PTPRG: variants seen among roughly 807,000 people sequenced by gnomAD.
PTPRG encodes the protein protein tyrosine phosphatase receptor type G.
A neutral mutation model predicts 165.3 loss-of-function variants in PTPRG; 102 were observed. The observed-to-expected ratio is 0.62, with a 90% CI of 0.53 to 0.73. The LOEUF (loss-of-function observed/expected upper bound fraction) is 0.73, where lower values mean the gene tolerates loss of function less well. Ranked by LOEUF, PTPRG falls within the 30% of genes least tolerant of loss-of-function variation. The pLI, the probability that PTPRG is intolerant of heterozygous loss-of-function variation, is 0.00. For missense variants in PTPRG, 1,866 were observed against 1,861.4 expected (o/e 1.00, Z -0.05); for synonymous variants, 675 against 669.5 (o/e 1.01, Z -0.13).
intron 2 of PTPRG, among the ~76,000 whole-genome samples, chr3:61,763,832 A>G (rs1012826041): frequency 2.6e-5 from 4 of 152,156 alleles, no homozygotes; most frequent in Non-Finnish European, 5.9e-5. Flanking sequence ...CCTTTATGGT[A>G]TTCCTAGCTT....
intron 15 of PTPRG, among the ~76,000 whole-genome samples, chr3:62,244,203 A>G (rs1466127320): frequency 6.6e-6 from 1 of 152,192 alleles, no homozygotes; most frequent in East Asian, 1.9e-4. Context: ...ACATTTTTTT[A>G]AAGGTGATAT....
intron 1 of PTPRG, among the ~76,000 whole-genome samples, chr3:61,566,782 C>T (rs1699925720): frequency 6.6e-6 from 1 of 152,232 alleles, no homozygotes; most frequent in Admixed American, 6.5e-5. Context: ...GCTGGGATTA[C>T]ATTGCTACTG....
At chr3:61,638,433 G>A (rs1420067815) in intron 1 of PTPRG, among the ~76,000 whole-genome samples, 9 of 151,660 alleles carry the variant, frequency 5.9e-5, no homozygotes, top group African/African-American at 1.9e-4. Flanking sequence ...TAAACCTAAG[G>A]TTTACATGCA....
At chr3:61,713,789 A>G (rs1367763433) in intron 1 of PTPRG, among the ~76,000 whole-genome samples, 1 of 152,128 alleles carries the variant, frequency 6.6e-6, no homozygotes, top group Non-Finnish European at 1.5e-5. Flanking sequence ...TTATGTGGCA[A>G]TGAGGCATCC....
At chr3:62,100,898 G>C (rs948995196) in intron 5 of PTPRG, among the ~76,000 whole-genome samples, 1 of 152,046 alleles carries the variant, frequency 6.6e-6, no homozygotes, top group South Asian at 2.1e-4. Flanking sequence ...GTAGAACCAC[G>C]CTTCTTTTGT....
intron 1 of PTPRG, among the ~76,000 whole-genome samples, chr3:61,563,171 C>A (rs1424880544): frequency 6.7e-6 from 1 of 149,792 alleles, no homozygotes; most frequent in Non-Finnish European, 1.5e-5. Flanking sequence ...GCGGTTTCGG[C>A]GGCCGGGTTG....
chr3:61,600,884 C>T (rs1467094962), intron 1 of PTPRG, among the ~76,000 whole-genome samples: 1 of 152,194 alleles, frequency 6.6e-6, no homozygotes, highest in Non-Finnish European at 1.5e-5. Flanking sequence ...TATTTTCAAG[C>T]CTGCCTTTAG....
intron 2 of PTPRG, among the ~76,000 whole-genome samples, chr3:61,751,779 A>G (rs2033440571): frequency 1.3e-5 from 2 of 152,270 alleles, no homozygotes; most frequent in South Asian, 4.1e-4. Context: ...TCGCGAGGTC[A>G]GGAGATCGAG....
intron 2 of PTPRG, among the ~76,000 whole-genome samples, chr3:61,802,554 G>C (rs1029942993): frequency 6.6e-6 from 1 of 152,210 alleles, no homozygotes; most frequent in Non-Finnish European, 1.5e-5. Context: ...GGCCTAGTTT[G>C]CTTCATCATT....
At chr3:61,721,859 C>T (rs962974865) in intron 1 of PTPRG, among the ~76,000 whole-genome samples, 2 of 152,096 alleles carry the variant, frequency 1.3e-5, no homozygotes, top group African/African-American at 2.4e-5. Flanking sequence ...AGACAATCAG[C>T]GACCAGTGAA....
At chr3:61,883,726 G>A (rs1004673799) in intron 2 of PTPRG, among the ~76,000 whole-genome samples, 1 of 152,050 alleles carries the variant, frequency 6.6e-6, no homozygotes, top group African/African-American at 2.4e-5. Context: ...GCAGGGTGGA[G>A]TGGGGCCAGG....
intron 1 of PTPRG, among the ~76,000 whole-genome samples, chr3:61,647,270 C>T (rs1170631392): frequency 6.6e-6 from 1 of 152,194 alleles, no homozygotes; most frequent in Non-Finnish European, 1.5e-5. Context: ...CCGTCTTTCA[C>T]ACCATTATCT....
chr3:61,834,479 T>A (rs933901834), intron 2 of PTPRG, among the ~76,000 whole-genome samples: 1 of 152,114 alleles, frequency 6.6e-6, no homozygotes, highest in Admixed American at 6.5e-5. Flanking sequence ...GAGGATCGCT[T>A]GAGCCCAGGA....
chr3:62,259,265 G>A (rs1195384240), intron 16 of PTPRG, among the ~76,000 whole-genome samples: 4 of 152,324 alleles, frequency 2.6e-5, no homozygotes, highest in East Asian at 1.9e-4. Flanking sequence ...ATGCTGCACC[G>A]ACTGCTGCCT....
Position 61,915,198 on chromosome 3 carries a change from C to T in PTPRG, c.191-74427C>T, listed in dbSNP as rs151297981. ...AGGCTGAGATCAAGCCACTGCACTCCAGCCTGGGCAACAGAGTGAGACTCT... is the reference window on the plus strand; with the variant it reads ...AGGCTGAGATCAAGCCACTGCACTCTAGCCTGGGCAACAGAGTGAGACTCT... On this transcript the variant is annotated intron_variant, in intron 2 of 29. Transcript: ENST00000474889. 3.5e-3 allele frequency among the ~76,000 whole-genome samples: 540 copies of T among 152,294 alleles called. 3 individuals carry two copies. The highest frequency in any genetic ancestry group is 0.012 in the African/African-American group (500 of 41,566).
chr3:61,971,898 A>G (rs991914720), intron 2 of PTPRG, among the ~76,000 whole-genome samples: 3 of 152,280 alleles, frequency 2.0e-5, no homozygotes, highest in Non-Finnish European at 4.4e-5. Flanking sequence ...AAATAAAGTG[A>G]AACTGCGTTG....
At chr3:61,954,639 G>A (rs1049177712) in intron 2 of PTPRG, among the ~76,000 whole-genome samples, 3 of 152,136 alleles carry the variant, frequency 2.0e-5, no homozygotes, top group African/African-American at 4.8e-5. Context: ...CGAAGCCAGG[G>A]GGAGAATTTA....
intron 1 of PTPRG, among the ~76,000 whole-genome samples, chr3:61,723,081 T>C (rs2032118193): frequency 6.6e-6 from 1 of 152,194 alleles, no homozygotes; most frequent in Non-Finnish European, 1.5e-5. Flanking sequence ...TTAGGACTAT[T>C]CTGATTTCCT....
At chr3:62,282,596 G>A in intron 27 of PTPRG, 131 bp from the exon 28 acceptor site, 2 of 814,754 alleles carry the variant, frequency 2.5e-6, no homozygotes, top group Non-Finnish European at 3.6e-6. Flanking sequence ...CTTTCCAGCT[G>A]TGGTTTGGTT....
Sources: allele counts gnomAD v4.1 joint callset (sites outside exome capture counted in the v4.1 genomes callset), GRCh38; gene constraint gnomAD v4.1.1; transcripts MANE v1.5; gene names NCBI Gene and HGNC (gene_info 2026-07-23, HGNC 2026-07-21).